Variants in QTMAN observed in about 807,000 individuals in gnomAD.
QTMAN encodes the protein tRNA-queuosine alpha-mannosyltransferase.
At chr2:144,114,302 T>C in the QTMAN span, among the ~76,000 whole-genome samples, 1 of 152,170 alleles carries the variant, frequency 6.6e-6, no homozygotes, top group Non-Finnish European at 1.5e-5. Context: ...ATACTTTTTT[T>C]CCGTTTTTAA....
At chr2:144,130,579 C>T in the QTMAN span, among the ~76,000 whole-genome samples, 1 of 151,884 alleles carries the variant, frequency 6.6e-6, no homozygotes, top group African/African-American at 2.4e-5. Context: ...ATTTTGTGAA[C>T]ACACAAATTA....
chr2:144,218,291 T>C, the QTMAN span, among the ~76,000 whole-genome samples: 1 of 152,210 alleles, frequency 6.6e-6, no homozygotes, highest in Non-Finnish European at 1.5e-5. Flanking sequence ...TAAGGAAAAT[T>C]GTCTGCCCTG....
At chr2:144,137,142 A>G in the QTMAN span, among the ~76,000 whole-genome samples, 1 of 152,210 alleles carries the variant, frequency 6.6e-6, no homozygotes, top group Non-Finnish European at 1.5e-5. Context: ...CACATCTTAA[A>G]GTAAGGTATA....
At chr2:144,007,196 G>A in the QTMAN span, 1 of 1,589,670 alleles carries the variant, frequency 6.3e-7, no homozygotes. Flanking sequence ...TGTGAGGCCA[G>A]ACAATGTGTA....
At chr2:144,045,708 T>C in the QTMAN span, among the ~76,000 whole-genome samples, 1 of 152,178 alleles carries the variant, frequency 6.6e-6, no homozygotes, top group Non-Finnish European at 1.5e-5. Context: ...AACAACTTAA[T>C]GTAACAGGGC....
the QTMAN span, among the ~76,000 whole-genome samples, chr2:144,152,450 T>C: frequency 6.6e-6 from 1 of 152,228 alleles, no homozygotes; most frequent in Non-Finnish European, 1.5e-5. Context: ...TTTTAACTCT[T>C]GGTATCTGGC....
chr2:144,325,874 C>T, the QTMAN span, among the ~76,000 whole-genome samples: 51 of 152,276 alleles, frequency 3.3e-4, no homozygotes, highest in African/African-American at 1.1e-3. Flanking sequence ...GGAGTGTTTG[C>T]ATTACTTGTT....
the QTMAN span, among the ~76,000 whole-genome samples, chr2:144,299,538 G>C: frequency 6.6e-6 from 1 of 152,184 alleles, no homozygotes; most frequent in Non-Finnish European, 1.5e-5. Flanking sequence ...AAAACTTACA[G>C]AACAGCACTT....
the QTMAN span, among the ~76,000 whole-genome samples, chr2:144,052,805 C>T: frequency 6.6e-6 from 1 of 152,216 alleles, no homozygotes; most frequent in Non-Finnish European, 1.5e-5. Context: ...GCATGCGCCA[C>T]CACACCCGAC....
chr2:144,331,261 C>A, the QTMAN span, among the ~76,000 whole-genome samples: 1 of 152,116 alleles, frequency 6.6e-6, no homozygotes. Flanking sequence ...TATGTGGGTT[C>A]CTACATGAAA....
chr2:144,129,559 A>C, the QTMAN span, among the ~76,000 whole-genome samples: 1 of 152,008 alleles, frequency 6.6e-6, no homozygotes, highest in Non-Finnish European at 1.5e-5. Flanking sequence ...GTTTGGAACA[A>C]CAGGCAAGAA....
At chr2:144,206,574 ACTGCAAAGG>A in the QTMAN span, among the ~76,000 whole-genome samples, 1 of 152,190 alleles carries the variant, frequency 6.6e-6, no homozygotes, top group African/African-American at 2.4e-5. Flanking sequence ...AGTATAGTTA[ACTGCAAAGG>A]CTAAATGGCA....
the QTMAN span, among the ~76,000 whole-genome samples, chr2:144,101,388 T>C: frequency 8.0e-6 from 1 of 124,628 alleles, no homozygotes; most frequent in Non-Finnish European, 1.7e-5. Context: ...CATGTCTATC[T>C]CTCTCTCACA....
the QTMAN span, among the ~76,000 whole-genome samples, chr2:144,100,361 T>C: frequency 1.3e-5 from 2 of 152,326 alleles, no homozygotes; most frequent in African/African-American, 4.8e-5. Context: ...TTCTTGCTTG[T>C]GTATGCCACT....
chr2:144,307,682 T>C, the QTMAN span, among the ~76,000 whole-genome samples: 7,060 of 152,304 alleles, frequency 0.046, 538 homozygotes, highest in African/African-American at 0.16. Context: ...TAGTTCTGTA[T>C]AGAAACAATG....
At chr2:144,167,180 G>C in the QTMAN span, among the ~76,000 whole-genome samples, 1 of 152,144 alleles carries the variant, frequency 6.6e-6, no homozygotes, top group Non-Finnish European at 1.5e-5. Flanking sequence ...ATGTATTATA[G>C]ATTGATGCTT....
chr2:144,309,009 T>C, the QTMAN span, among the ~76,000 whole-genome samples: 1 of 152,110 alleles, frequency 6.6e-6, no homozygotes, highest in African/African-American at 2.4e-5. Context: ...GGCCAATGAA[T>C]AAATGAAAAT....
chr2:144,238,809 C>T, the QTMAN span, among the ~76,000 whole-genome samples: 3 of 152,190 alleles, frequency 2.0e-5, no homozygotes, highest in Non-Finnish European at 4.4e-5. Context: ...ATTACCATAA[C>T]TTGGCTTCCT....
At chr2:144,215,263 T>A in the QTMAN span, among the ~76,000 whole-genome samples, 1,727 of 143,338 alleles carry the variant, frequency 0.012, 16 homozygotes, top group Middle Eastern at 0.029. Flanking sequence ...AAAAAAAAAA[T>A]ATATATATAT....
Sources: allele counts gnomAD v4.1 joint callset (sites outside exome capture counted in the v4.1 genomes callset), GRCh38; gene constraint gnomAD v4.1.1; transcripts MANE v1.5; gene names NCBI Gene and HGNC (gene_info 2026-07-23, HGNC 2026-07-21).